Variants in LDLRAD4 observed in about 807,000 individuals in gnomAD.
The protein encoded by LDLRAD4 is low-density lipoprotein receptor class A domain-containing protein 4.
In LDLRAD4, 5 loss-of-function variants were observed where a neutral mutation model predicts 17.0. The ratio of observed to expected loss-of-function variants is 0.29; its 90% confidence interval spans 0.15 to 0.62. The LOEUF is 0.62. Ranked by LOEUF, LDLRAD4 falls within the 20% of genes least tolerant of loss-of-function variation. The pLI is 0.84. For synonymous variants in LDLRAD4, 168 were observed against 171.8 expected, an observed-to-expected ratio of 0.98 and a Z score of 0.17; for missense variants, 340 against 424.7, an observed-to-expected ratio of 0.80 and a Z score of 1.75.
chr18:13,612,280 G>A (rs2039644278), intron 3 of LDLRAD4: 3 of 1,007,110 alleles, frequency 3.0e-6, no homozygotes, highest in Non-Finnish European at 3.6e-6. Context: ...GGCCAAACCT[G>A]AGAAGTGCAG....
intron 3 of LDLRAD4, among the ~76,000 whole-genome samples, chr18:13,556,684 C>G (rs1422485477): frequency 1.3e-5 from 2 of 152,124 alleles, no homozygotes; most frequent in African/African-American, 4.8e-5. Flanking sequence ...TAAACAAAGA[C>G]TTGCTAATGG....
chr18:13,273,582 G>A (rs1317716559), upstream of LDLRAD4, among the ~76,000 whole-genome samples: 2 of 152,058 alleles, frequency 1.3e-5, no homozygotes, highest in Non-Finnish European at 2.9e-5. Flanking sequence ...GTGAGCTGCC[G>A]GACCCAGCCC....
intron 3 of LDLRAD4, among the ~76,000 whole-genome samples, chr18:13,523,606 G>A (rs2093986253): frequency 6.6e-6 from 1 of 152,198 alleles, no homozygotes; most frequent in African/African-American, 2.4e-5. Flanking sequence ...GTGGAACGTA[G>A]TCTCCTGGGC....
chr18:13,418,426 T>C (rs1156241605), intron 2 of LDLRAD4, among the ~76,000 whole-genome samples: 3 of 152,240 alleles, frequency 2.0e-5, no homozygotes. Context: ...TTCCGGGTCG[T>C]TCTTCCTGCC....
At chr18:13,296,973 T>C (rs1214558350) in intron 1 of LDLRAD4, among the ~76,000 whole-genome samples, 1 of 152,188 alleles carries the variant, frequency 6.6e-6, no homozygotes, top group Non-Finnish European at 1.5e-5. Context: ...TTCACCTGTC[T>C]GCACCCAGGT....
At chr18:13,466,880 A>G (rs975258100) in intron 3 of LDLRAD4, among the ~76,000 whole-genome samples, 6 of 152,224 alleles carry the variant, frequency 3.9e-5, no homozygotes, top group Non-Finnish European at 7.3e-5. Context: ...CTCTTTTATA[A>G]GGACACTAAT....
intron 2 of LDLRAD4, among the ~76,000 whole-genome samples, chr18:13,426,444 A>G (rs564735970): frequency 6.6e-6 from 1 of 152,328 alleles, no homozygotes; most frequent in African/African-American, 2.4e-5. Context: ...GTTTTTCCTA[A>G]TAAAGCTGTA....
At chr18:13,604,373 G>A (rs921591401) in intron 3 of LDLRAD4, among the ~76,000 whole-genome samples, 1 of 152,110 alleles carries the variant, frequency 6.6e-6, no homozygotes, top group African/African-American at 2.4e-5. Flanking sequence ...CCAGGGGTGC[G>A]GTCACTTGGC....
chr18:13,474,144 C>A (rs1232940410), intron 3 of LDLRAD4, among the ~76,000 whole-genome samples: 1 of 152,154 alleles, frequency 6.6e-6, no homozygotes, highest in Non-Finnish European at 1.5e-5. Flanking sequence ...TGATTGGAAG[C>A]TTCCTGAGGC....
chr18:13,542,116 A>G (rs977488651), intron 3 of LDLRAD4, among the ~76,000 whole-genome samples: 2 of 152,238 alleles, frequency 1.3e-5, no homozygotes, highest in Non-Finnish European at 2.9e-5. Context: ...AGTTCTACTT[A>G]TATAACAGCA....
chr18:13,262,575 C>T (rs113379085), intron 1 of LDLRAD4, among the ~76,000 whole-genome samples: 2 of 91,030 alleles, frequency 2.2e-5, no homozygotes, highest in Admixed American at 1.1e-4. Flanking sequence ...GAGTCCCGTG[C>T]GGCTCCGTGC....
At chr18:13,521,685 C>T (rs768006281) in intron 3 of LDLRAD4, 3 of 151,898 alleles carry the variant, frequency 2.0e-5, no homozygotes, top group African/African-American at 4.8e-5. Context: ...GAGCACGTGA[C>T]GAGGAGTCAT....
At chr18:13,583,152 C>T (rs1305008400) in intron 3 of LDLRAD4, among the ~76,000 whole-genome samples, 4 of 152,120 alleles carry the variant, frequency 2.6e-5, no homozygotes, top group South Asian at 4.1e-4. Context: ...ATTTACTAGC[C>T]ACAGTGGACT....
At chr18:13,585,712 A>G (rs1343006206) in intron 3 of LDLRAD4, among the ~76,000 whole-genome samples, 2 of 152,244 alleles carry the variant, frequency 1.3e-5, no homozygotes, top group Non-Finnish European at 2.9e-5. Context: ...CTCCAAATGT[A>G]AGCACAATTG....
At chr18:13,236,752 T>G (rs74833129) in intron 1 of LDLRAD4, among the ~76,000 whole-genome samples, 2,066 of 152,298 alleles carry the variant, frequency 0.014, 18 homozygotes, top group South Asian at 0.031. Context: ...CTCCTGCACC[T>G]GGTGTTCCAT....
chr18:13,446,850 T>G (rs1278807536), intron 3 of LDLRAD4, among the ~76,000 whole-genome samples: 1 of 152,268 alleles, frequency 6.6e-6, no homozygotes, highest in African/African-American at 2.4e-5. Context: ...TCTGAGCGCA[T>G]TGGCTCCTTC....
chr18:13,507,958 C>T (rs960276595), intron 3 of LDLRAD4, among the ~76,000 whole-genome samples: 3 of 149,248 alleles, frequency 2.0e-5, no homozygotes, highest in African/African-American at 7.8e-5. Flanking sequence ...AGCTAGGCCT[C>T]TCATGCCAAA....
At chr18:13,231,150 G>T (rs185102816) in intron 1 of LDLRAD4, among the ~76,000 whole-genome samples, 1 of 152,310 alleles carries the variant, frequency 6.6e-6, no homozygotes, top group Admixed American at 6.5e-5. Flanking sequence ...GGGCAGCATC[G>T]TCTTCGAGTT....
intron 3 of LDLRAD4, among the ~76,000 whole-genome samples, chr18:13,557,493 C>T (rs2094496247): frequency 1.3e-5 from 2 of 152,202 alleles, no homozygotes; most frequent in African/African-American, 4.8e-5. Flanking sequence ...CTCCGCCTCC[C>T]AGGTTCACGC....
Sources: gnomAD v4.1 joint callset for allele counts (sites outside exome capture counted in the v4.1 genomes callset) on GRCh38, gnomAD v4.1.1 for gene constraint, MANE v1.5 for transcripts, NCBI Gene and HGNC (gene_info 2026-07-23, HGNC 2026-07-21) for gene names.